OTUD7B: variants seen among roughly 807,000 people sequenced by gnomAD.
OTUD7B encodes OTU domain-containing protein 7B.
Under a neutral mutation model 82.2 loss-of-function variants are expected in OTUD7B, and 34 were observed. The observed-to-expected ratio is 0.41, with a 90% CI of 0.31 to 0.55. The LOEUF is 0.55. Among genes scored for constraint, OTUD7B ranks in the 20% least tolerant of loss-of-function variants. The pLI, the probability that OTUD7B is intolerant of heterozygous loss-of-function variation, is 0.20. For synonymous variants in OTUD7B, 398 were observed against 402.7 expected, an observed-to-expected ratio of 0.99 and a Z score of 0.14; for missense variants, 944 against 1,062.1, an observed-to-expected ratio of 0.89 and a Z score of 1.55.
Position 149,972,596 on chromosome 1 carries a change from T to C in OTUD7B, c.86-1345A>G, listed in dbSNP as rs587679829. Among the ~76,000 whole-genome samples, 10 of 152,324 alleles carry C rather than the reference T, an allele frequency of 6.6e-5. 1 individual carries two copies. The South Asian group carries it at 2.1e-3, about 32-fold the overall frequency. On this transcript the variant is annotated intron_variant, in intron 2 of 11. Transcript: ENST00000581312. ...CCATAGCACTTAACAGTTTATAATATACTTTATAATTTACTTAGTTATCAC... is the reference window on the plus strand; with the variant it reads ...CCATAGCACTTAACAGTTTATAATACACTTTATAATTTACTTAGTTATCAC...
chr1:150,002,396 A>C (rs1419431444), intron 1 of OTUD7B, among the ~76,000 whole-genome samples: 1 of 152,220 alleles, frequency 6.6e-6, no homozygotes, highest in Non-Finnish European at 1.5e-5. Flanking sequence ...ACTACAGCTG[A>C]AAAATCCTAA....
chr1:150,014,762 C>T (rs587712609), upstream of OTUD7B, among the ~76,000 whole-genome samples: 3 of 152,188 alleles, frequency 2.0e-5, no homozygotes, highest in South Asian at 6.2e-4. Context: ...AAAATCAGAA[C>T]TGTGGTTACC....
At chr1:150,016,452 CTTTT>C in the OTUD7B span, among the ~76,000 whole-genome samples, 2 of 106,606 alleles carry the variant, frequency 1.9e-5, no homozygotes, top group African/African-American at 3.5e-5. Context: ...TTTTCTTTTT[CTTTT>C]TTTTTTTTTT....
Position 149,942,017 on chromosome 1 carries a change from T to C in OTUD7B, c.*1840A>G, listed in dbSNP as rs1559817153. ...GGAAAATAGGTGACTTCTGAGTTTG[T>C]TGAGGAGAAAATAACCTTTATAAAC... On this transcript the variant is annotated 3_prime_UTR_variant, in exon 12 of 12. Coordinates refer to ENST00000581312, the MANE Select transcript of OTUD7B (RefSeq NM_020205.4). The C allele has an allele frequency of 6.6e-6, 1 of 152,358 alleles. No individual in the cohort carries two copies. The highest frequency in any genetic ancestry group is 2.4e-5 in the African/African-American group (1 of 41,430). 9.4% of individuals were successfully genotyped at this position (152,358 alleles called of 1,614,324 possible). A position where few individuals can be genotyped will look rare whatever the true frequency, so the allele number is the denominator to read the frequency against.
At chr1:150,052,112 G>C in the OTUD7B span, among the ~76,000 whole-genome samples, 1 of 152,216 alleles carries the variant, frequency 6.6e-6, no homozygotes, top group Admixed American at 6.5e-5. Flanking sequence ...AACTGGCACA[G>C]GACAAGGATG....
the OTUD7B span, among the ~76,000 whole-genome samples, chr1:150,032,326 A>T: frequency 1.5e-5 from 2 of 132,594 alleles, no homozygotes; most frequent in African/African-American, 3.1e-5. Context: ...AAAATAAAAG[A>T]AAAAAAAAAG....
chr1:150,006,667 G>A (rs1553786174), intron 1 of OTUD7B, among the ~76,000 whole-genome samples: 1 of 152,198 alleles, frequency 6.6e-6, no homozygotes, highest in African/African-American at 2.4e-5. Flanking sequence ...AGAGACAACT[G>A]AGAGTTAAAT....
At chr1:150,007,994 T>G (rs1418851304) in intron 1 of OTUD7B, among the ~76,000 whole-genome samples, 1 of 152,222 alleles carries the variant, frequency 6.6e-6, no homozygotes, top group African/African-American at 2.4e-5. Context: ...CAGTGTCTTT[T>G]AGCATGCTTA....
At chr1:149,951,035 T>G (rs1648207362) in intron 7 of OTUD7B, among the ~76,000 whole-genome samples, 1 of 119,132 alleles carries the variant, frequency 8.4e-6, no homozygotes, top group Admixed American at 1.1e-4. Context: ...CAGACTGGAG[T>G]GCAGTGGTGC....
In OTUD7B at chr1:149,977,367, C is replaced by T. The variant is rs1571673612; in HGVS notation, c.85+59G>A. On this transcript the variant is annotated intron_variant, in intron 2 of 11. Transcript: ENST00000581312. ...ATCACCTTAAATGGTCCAAATCATC[C>T]TAATGATAAATACCACATTTTACTT... 8.9e-6 allele frequency: 11 copies of T among 1,236,690 alleles called. No homozygotes were observed. In the East Asian group the frequency reaches 2.5e-4, roughly 29 times the overall value. 76.6% of individuals were successfully genotyped at this position (1,236,690 alleles called of 1,614,324 possible).
chr1:149,995,844 T>C (rs1651889947), intron 1 of OTUD7B, among the ~76,000 whole-genome samples: 1 of 152,212 alleles, frequency 6.6e-6, no homozygotes, highest in South Asian at 2.1e-4. Context: ...CTCTCTTAGA[T>C]AGCACAAGCT....
chr1:149,971,338 T>G (rs1270878103), intron 2 of OTUD7B, 87 bp from the exon 3 acceptor site: 2 of 827,780 alleles, frequency 2.4e-6, no homozygotes, highest in Non-Finnish European at 3.8e-6. Flanking sequence ...AAAACCAGTA[T>G]GCAAATACGC....
intron 5 of OTUD7B, among the ~76,000 whole-genome samples, chr1:149,964,893 C>CA (rs1649422472): frequency 1.5e-5 from 2 of 135,310 alleles, no homozygotes; most frequent in African/African-American, 5.6e-5. Flanking sequence ...CACGCCTGAC[C>CA]TTTTTTTTTT....
At chr1:149,965,683 A>G (rs1649479807) in intron 5 of OTUD7B, 94 bp downstream of exon 5, 1 of 856,284 alleles carries the variant, frequency 1.2e-6, no homozygotes, top group African/African-American at 1.7e-5. Context: ...ATTTCCGCCT[A>G]AGATCAAGGT....
In OTUD7B at chr1:149,940,098, T is replaced by G. The variant is rs1035361518; in HGVS notation, c.*3759A>C. 5 of 152,084 alleles carry G rather than the reference T, an allele frequency of 3.3e-5. No homozygotes were observed. Among genetic ancestry groups the G allele is most frequent in the African/African-American group, 1.2e-4 (5 of 41,402 alleles). The allele number at this position is 152,084 out of a possible 1,614,324, so 9.4% of individuals were successfully genotyped here. A position where few individuals can be genotyped will look rare whatever the true frequency, so the allele number is the denominator to read the frequency against. ...AAAAGGAGTTAAGAATGGCAAAAGC[T>G]AGGTTCTCAGAACACATTCAAAACC... On this transcript the variant is annotated 3_prime_UTR_variant, in exon 12 of 12. Transcript: ENST00000581312.
chr1:149,999,410 A>G (rs1382818441), intron 1 of OTUD7B, among the ~76,000 whole-genome samples: 1 of 152,186 alleles, frequency 6.6e-6, no homozygotes, highest in Non-Finnish European at 1.5e-5. Context: ...AACAACAGGG[A>G]CCAAGTATTG....
chr1:149,969,709 TA>T lies in OTUD7B; in HGVS notation c.274+1353del, dbSNP rs587746397. 2.1e-3 allele frequency among the ~76,000 whole-genome samples: 321 copies of T among 152,312 alleles called. 2 individuals are homozygous for T. The South Asian group carries it at 0.027, about 13-fold the overall frequency. On this transcript the variant is annotated intron_variant, in intron 3 of 11. Coordinates refer to ENST00000581312, the MANE Select transcript of OTUD7B (RefSeq NM_020205.4). ...TCTTACCTTTTTGAAAAAAATTATA[TA>T]TTTTTTTATATGGAGTCTCACTCCG...
At chr1:150,011,664 T>A (rs1368307322), upstream of OTUD7B, among the ~76,000 whole-genome samples, 6 of 152,218 alleles carry the variant, frequency 3.9e-5, no homozygotes, top group African/African-American at 7.2e-5. Flanking sequence ...AGTAAATACC[T>A]CTTTATGACA....
rs1559842882 is a variant in OTUD7B, at chr1:149,967,439, C to G, written c.357G>C (p.Gly119=). The change falls in exon 4 of 12, where the codon GGG becomes GGC. Residue 119 remains glycine (G), a synonymous_variant. Transcript: ENST00000581312. ...GGGGGTGCTCATTGCTCCCCCCACC[C>G]CCACCATTGGAGGAGACATGGGACC... is the stretch of plus-strand genomic sequence containing the variant. ...LARSHVSSNG[G]GGGSNEHPLE... The G allele has an allele frequency of 6.2e-7, 1 of 1,614,102 alleles. No homozygotes were observed. Among genetic ancestry groups the G allele is most frequent in the East Asian group, 2.2e-5 (1 of 44,872 alleles).
Sources: allele counts gnomAD v4.1 joint callset (sites outside exome capture counted in the v4.1 genomes callset), GRCh38; gene constraint gnomAD v4.1.1; transcripts MANE v1.5; gene names NCBI Gene and HGNC (gene_info 2026-07-23, HGNC 2026-07-21).